Variants in MAPKAP1 observed in about 807,000 individuals in gnomAD.
The protein encoded by MAPKAP1 is target of rapamycin complex 2 subunit MAPKAP1.
Under a neutral mutation model 65.7 loss-of-function variants are expected in MAPKAP1, and 20 were observed. The ratio of observed to expected loss-of-function variants is 0.30; its 90% confidence interval spans 0.21 to 0.44. MAPKAP1 has a LOEUF of 0.44. MAPKAP1 is among the 20% of genes least tolerant of loss of function. MAPKAP1 has a pLI of 1.00. For synonymous variants in MAPKAP1, 222 were observed against 244.3 expected (o/e 0.91, Z 0.85); for missense variants, 423 against 648.0 (o/e 0.65, Z 3.77).
chr9:125,707,173 C>T lies in MAPKAP1; in HGVS notation c.-272G>A, dbSNP rs1017215947. On this transcript the variant is annotated 5_prime_UTR_variant, in exon 1 of 12. Coordinates refer to ENST00000265960, the MANE Select transcript of MAPKAP1 (RefSeq NM_001006617.3). Reference sequence around the variant, plus strand: ...CTGCTGCTCGCCGCCGCCGGCCGGCCGAGCAGCAGCCCTATTACCCCGAGC... The same window carrying T: ...CTGCTGCTCGCCGCCGCCGGCCGGCTGAGCAGCAGCCCTATTACCCCGAGC... The T allele has an allele frequency of 4.5e-4, 178 of 398,178 alleles. No individual in the cohort carries two copies. The highest frequency in any genetic ancestry group is 3.4e-3 in the African/African-American group (165 of 48,750). 24.7% of individuals were successfully genotyped at this position (398,178 alleles called of 1,614,324 possible). A position where few individuals can be genotyped will look rare whatever the true frequency, so the allele number is the denominator to read the frequency against.
At chr9:125,661,117 A>C (rs990335162) in intron 3 of MAPKAP1, among the ~76,000 whole-genome samples, 2 of 152,196 alleles carry the variant, frequency 1.3e-5, no homozygotes, top group African/African-American at 2.4e-5. Flanking sequence ...TCTTAAATGG[A>C]AAGATTCTCA....
chr9:125,441,789 A>T (rs1852495309), intron 11 of MAPKAP1, among the ~76,000 whole-genome samples: 1 of 152,184 alleles, frequency 6.6e-6, no homozygotes, highest in African/African-American at 2.4e-5. Context: ...CACTCAGGAC[A>T]CTGCAGGAAT....
chr9:125,568,032 A>T (rs1479394354), intron 5 of MAPKAP1: 1 of 152,290 alleles, frequency 6.6e-6, no homozygotes, highest in Non-Finnish European at 1.5e-5. Flanking sequence ...TGAGATTGGT[A>T]AAGAATGAGA....
At chr9:125,488,105 G>A (rs563217830) in intron 8 of MAPKAP1, among the ~76,000 whole-genome samples, 1 of 152,290 alleles carries the variant, frequency 6.6e-6, no homozygotes, top group South Asian at 2.1e-4. Flanking sequence ...AATGCTTCTT[G>A]CATTGACCTT....
intron 1 of MAPKAP1, among the ~76,000 whole-genome samples, chr9:125,686,308 T>A (rs1301232541): frequency 1.7e-5 from 2 of 114,568 alleles, no homozygotes; most frequent in Admixed American, 1.0e-4. Flanking sequence ...TGAGACTCTG[T>A]CTCAAAAAAA....
At chr9:125,464,512 T>C (rs1380636665) in intron 10 of MAPKAP1, among the ~76,000 whole-genome samples, 1 of 152,246 alleles carries the variant, frequency 6.6e-6, no homozygotes, top group Admixed American at 6.5e-5. Flanking sequence ...TTCTCAAGGC[T>C]TGTGATACAC....
At chr9:125,510,475 G>A (rs1378184578) in intron 7 of MAPKAP1, among the ~76,000 whole-genome samples, 1 of 152,098 alleles carries the variant, frequency 6.6e-6, no homozygotes, top group Non-Finnish European at 1.5e-5. Flanking sequence ...TCCCTCTTAC[G>A]AAGACATGAC....
At chr9:125,638,874 AC>A (rs749661185) in intron 4 of MAPKAP1, among the ~76,000 whole-genome samples, 12 of 152,316 alleles carry the variant, frequency 7.9e-5, no homozygotes, top group Non-Finnish European at 1.3e-4. Flanking sequence ...TTTGGGGCCA[AC>A]CCCTTCGGGA....
chr9:125,492,935 G>A (rs1854788303), intron 8 of MAPKAP1, among the ~76,000 whole-genome samples: 1 of 152,216 alleles, frequency 6.6e-6, no homozygotes, highest in Admixed American at 6.5e-5. Flanking sequence ...AATTTAGGGG[G>A]ATGGCAGTGT....
chr9:125,592,359 GAGC>G, intron 4 of MAPKAP1, among the ~76,000 whole-genome samples: 1 of 152,304 alleles, frequency 6.6e-6, no homozygotes, highest in East Asian at 1.9e-4. Flanking sequence ...ACCAAAAGGT[GAGC>G]AGGAGTTCCC....
At chr9:125,531,224 G>A (rs1829924704) in intron 7 of MAPKAP1, among the ~76,000 whole-genome samples, 1 of 152,184 alleles carries the variant, frequency 6.6e-6, no homozygotes, top group African/African-American at 2.4e-5. Context: ...CCAGTAGAAG[G>A]AAGCACCACA....
At chr9:125,520,506 C>G (rs1315763450) in intron 7 of MAPKAP1, among the ~76,000 whole-genome samples, 1 of 152,198 alleles carries the variant, frequency 6.6e-6, no homozygotes. Flanking sequence ...AATCTTCCCT[C>G]TACTTCACTT....
chr9:125,585,707 T>G lies in MAPKAP1; in HGVS notation c.519A>C (p.Ala173=). The change falls in exon 5 of 12, where the codon GCA becomes GCC. Residue 173 remains alanine, a synonymous_variant. Transcript: ENST00000265960. ...GGAGGTAGACATCGATCTTCTTGGT[T>G]GCTGTTGTACCTACATGACCCTGTG... ...FDGKGHVGTT[A]TKKIDVYLPL... 6.2e-7 allele frequency: 1 copy of G among 1,614,182 alleles called. No individual in the cohort carries two copies. The highest frequency in any genetic ancestry group is 8.5e-7 in the Non-Finnish European group (1 of 1,180,038).
intron 6 of MAPKAP1, among the ~76,000 whole-genome samples, chr9:125,553,328 G>A (rs970261560): frequency 1.3e-5 from 2 of 152,172 alleles, no homozygotes; most frequent in Non-Finnish European, 2.9e-5. Context: ...GATCCCCTGA[G>A]GTCAGGACTT....
intron 9 of MAPKAP1, among the ~76,000 whole-genome samples, chr9:125,472,456 T>C (rs988359644): frequency 3.3e-5 from 5 of 152,234 alleles, no homozygotes; most frequent in African/African-American, 4.8e-5. Context: ...ACATGGCAAA[T>C]TGGAGCATGA....
chr9:125,599,515 G>A (rs1001826595), intron 4 of MAPKAP1, among the ~76,000 whole-genome samples: 3 of 151,948 alleles, frequency 2.0e-5, no homozygotes, highest in African/African-American at 4.8e-5. Flanking sequence ...GAATAAGCCA[G>A]GCTATAATCC....
intron 4 of MAPKAP1, among the ~76,000 whole-genome samples, chr9:125,630,407 C>G (rs560303678): frequency 1.3e-5 from 2 of 152,272 alleles, no homozygotes; most frequent in Admixed American, 1.3e-4. Context: ...TCTGGGATTA[C>G]AGGCATCAGC....
rs376193990 is a variant in MAPKAP1 at position 125,657,843 on chromosome 9, G to C, written c.350-44C>G. ...AAAAACATCTTTGTGATTACACAGA[G>C]ACAACTTGTCCACCTTCCCTAAAAA... On this transcript the variant is annotated intron_variant, in intron 3 of 11. Coordinates refer to ENST00000265960, the MANE Select transcript of MAPKAP1 (RefSeq NM_001006617.3). The C allele has an allele frequency of 1.1e-3, 1,682 of 1,588,958 alleles. 2 individuals carry two copies. Among genetic ancestry groups the C allele is most frequent in the Admixed American group, 1.7e-3 (97 of 57,928 alleles).
At chr9:125,540,697 G>A (rs1830218616) in intron 7 of MAPKAP1, among the ~76,000 whole-genome samples, 1 of 152,228 alleles carries the variant, frequency 6.6e-6, no homozygotes, top group African/African-American at 2.4e-5. Context: ...GGCTCAGGAA[G>A]TGCAGGATGA....
Sources: gnomAD v4.1 joint callset for allele counts (sites outside exome capture counted in the v4.1 genomes callset) on GRCh38, gnomAD v4.1.1 for gene constraint, MANE v1.5 for transcripts, NCBI Gene and HGNC (gene_info 2026-07-23, HGNC 2026-07-21) for gene names.